The following SLC36A1 variants were observed in gnomAD, a reference collection of about 807,000 sequenced individuals.
The protein encoded by SLC36A1 is proton-coupled amino acid transporter 1.
A neutral mutation model predicts 47.5 loss-of-function variants in SLC36A1; 30 were observed. The observed-to-expected ratio is 0.63, with a 90% CI of 0.47 to 0.86. The LOEUF (loss-of-function observed/expected upper bound fraction) is 0.86, where lower values mean the gene tolerates loss of function less well. SLC36A1 is among the 40% of genes least tolerant of loss of function. The pLI is 0.00. For missense variants in SLC36A1, 517 were observed against 606.0 expected (o/e 0.85, Z 1.54); for synonymous variants, 255 against 249.7 (o/e 1.02, Z -0.20).
chr5:151,451,437 G>C (rs1003938621), intron 1 of SLC36A1, among the ~76,000 whole-genome samples: 4 of 152,064 alleles, frequency 2.6e-5, no homozygotes, highest in Non-Finnish European at 5.9e-5. Flanking sequence ...ATCTGTCTGT[G>C]GGTTACTGAG....
At chr5:151,507,523 G>A in the SLC36A1 span, 1 of 1,614,144 alleles carries the variant, frequency 6.2e-7, no homozygotes, top group Non-Finnish European at 8.5e-7. Flanking sequence ...GTGATGATCA[G>A]TAACTCCTGC....
At chr5:151,392,595 T>C in the SLC36A1 span, among the ~76,000 whole-genome samples, 1 of 152,232 alleles carries the variant, frequency 6.6e-6, no homozygotes. Flanking sequence ...GATTTTGGTA[T>C]GTTGTGTCTT....
At chr5:151,506,539 A>G in the SLC36A1 span, among the ~76,000 whole-genome samples, 1 of 152,304 alleles carries the variant, frequency 6.6e-6, no homozygotes, top group Admixed American at 6.5e-5. Flanking sequence ...AAATCAGGAG[A>G]CCAGGAGCCC....
the SLC36A1 span, chr5:151,545,084 C>T: frequency 1.9e-6 from 3 of 1,614,136 alleles, no homozygotes; most frequent in East Asian, 4.5e-5. Context: ...GCTGACTGGA[C>T]CATATGAAAC....
chr5:151,536,874 AT>A, the SLC36A1 span, among the ~76,000 whole-genome samples: 2 of 152,184 alleles, frequency 1.3e-5, no homozygotes, highest in Admixed American at 6.5e-5. Context: ...CTGGGGCCTC[AT>A]TCTTTGTCCT....
chr5:151,406,641 G>A, the SLC36A1 span: 2 of 152,198 alleles, frequency 1.3e-5, no homozygotes, highest in Admixed American at 1.3e-4. Context: ...AAAGCAAAAA[G>A]TGAAACAGCT....
chr5:151,523,337 A>G, the SLC36A1 span, among the ~76,000 whole-genome samples: 1 of 152,186 alleles, frequency 6.6e-6, no homozygotes, highest in Non-Finnish European at 1.5e-5. Context: ...TCATAGATAA[A>G]CTATGATAAT....
chr5:151,461,968 T>TC (rs1755583760), intron 2 of SLC36A1, among the ~76,000 whole-genome samples: 1 of 151,866 alleles, frequency 6.6e-6, no homozygotes. Context: ...TGCCTTTTTT[T>TC]TTTTTCATAG....
intron 3 of SLC36A1, 21 bp from the exon 4 acceptor site, chr5:151,464,493 G>C: frequency 1.2e-6 from 2 of 1,605,076 alleles, no homozygotes; most frequent in Non-Finnish European, 1.7e-6. Flanking sequence ...TCTCTCTTTT[G>C]CCTGCAATAT....
the SLC36A1 span, chr5:151,531,765 T>C: frequency 7.4e-6 from 12 of 1,612,820 alleles, no homozygotes; most frequent in Non-Finnish European, 1.0e-5. This position sits in a 1 kb window ranked among gnomAD's most constrained non-coding sequence, Gnocchi z 5.7. Flanking sequence ...GGTAGTCTTC[T>C]AGGCCCACCA....
the SLC36A1 span, among the ~76,000 whole-genome samples, chr5:151,516,264 C>A: frequency 6.6e-6 from 1 of 152,226 alleles, no homozygotes; most frequent in Non-Finnish European, 1.5e-5. Context: ...AATCCCAGCA[C>A]TTTGGGAGGC....
chr5:151,479,087 C>T lies in SLC36A1; in HGVS notation c.990-233C>T, dbSNP rs79746884. Among the ~76,000 whole-genome samples the T allele has an allele frequency of 2.2e-3, 341 of 152,224 alleles. 3 individuals are homozygous for T. Among genetic ancestry groups the T allele is most frequent in the African/African-American group, 7.9e-3 (328 of 41,552 alleles). On this transcript the variant is annotated intron_variant, in intron 9 of 10. Coordinates refer to ENST00000243389, the MANE Select transcript of SLC36A1 (RefSeq NM_078483.4). ...GGTTAACATTTAAATTGTTTTCAGTCTTTCCTTCTTAAATAATGCTGCAGT... is the reference window on the plus strand; with the variant it reads ...GGTTAACATTTAAATTGTTTTCAGTTTTTCCTTCTTAAATAATGCTGCAGT...
chr5:151,468,266 A>AAAAATATATATATATATAT (rs55642458), intron 7 of SLC36A1, among the ~76,000 whole-genome samples: 4 of 63,818 alleles, frequency 6.3e-5, no homozygotes, highest in African/African-American at 3.5e-4. Flanking sequence ...AAAAAAAAAA[A>AAAAATATATATATATATAT]ATATATATAT....
At chr5:151,413,846 A>T in the SLC36A1 span, among the ~76,000 whole-genome samples, 8 of 152,056 alleles carry the variant, frequency 5.3e-5, no homozygotes, top group Admixed American at 5.2e-4. Context: ...TTGGCAGTAG[A>T]TATTATATTT....
At chr5:151,439,117 GGAGA>G (rs10593815) in intron 1 of SLC36A1, among the ~76,000 whole-genome samples, 15 of 150,212 alleles carry the variant, frequency 1.0e-4, no homozygotes, top group Admixed American at 2.7e-4. Context: ...CATGGCAGCA[GGAGA>G]GAGAGAGAGA....
chr5:151,507,520 T>A, the SLC36A1 span: 1 of 1,613,988 alleles, frequency 6.2e-7, no homozygotes, highest in Non-Finnish European at 8.5e-7. Context: ...ACTGTGATGA[T>A]CAGTAACTCC....
chr5:151,534,416 G>A, the SLC36A1 span: 34 of 1,605,682 alleles, frequency 2.1e-5, no homozygotes, highest in Non-Finnish European at 2.6e-5. Flanking sequence ...CACCTTGGTC[G>A]GGATCCCGGG....
the SLC36A1 span, chr5:151,544,766 A>C: frequency 6.2e-7 from 1 of 1,614,190 alleles, no homozygotes; most frequent in South Asian, 1.1e-5. Context: ...TCCCCAAGAT[A>C]GGGGTCAATT....
At chr5:151,410,467 A>G in the SLC36A1 span, among the ~76,000 whole-genome samples, 1 of 145,190 alleles carries the variant, frequency 6.9e-6, no homozygotes, top group Admixed American at 6.8e-5. Flanking sequence ...TATCAATAAC[A>G]TAAAATAAAA....
Sources: gnomAD v4.1 joint callset for allele counts (sites outside exome capture counted in the v4.1 genomes callset) on GRCh38, gnomAD v4.1.1 for gene constraint, Gnocchi (gnomAD v3.1) non-coding constraint, MANE v1.5 for transcripts, NCBI Gene and HGNC (gene_info 2026-07-23, HGNC 2026-07-21) for gene names.